ACER2: variants seen among roughly 807,000 people sequenced by gnomAD.
The protein encoded by ACER2 is alkCDase 2.
Under a neutral mutation model 34.7 loss-of-function variants are expected in ACER2, and 26 were observed. The ratio of observed to expected loss-of-function variants is 0.75; its 90% CI spans 0.55 to 1.04. The LOEUF is 1.04. Among genes scored for constraint, ACER2 ranks in the 50% least tolerant of loss-of-function variants. The pLI is 0.00. For synonymous variants in ACER2, 138 were observed against 132.1 expected, an observed-to-expected ratio of 1.04 and a Z score of -0.31; for missense variants, 352 against 340.8, an observed-to-expected ratio of 1.03 and a Z score of -0.26.
chr9:19,422,687 T>G (rs1380910937), intron 1 of ACER2, among the ~76,000 whole-genome samples: 5 of 146,294 alleles, frequency 3.4e-5, no homozygotes, highest in African/African-American at 1.3e-4. Flanking sequence ...ACGCCTTCAT[T>G]AAACTTTTTT....
rs557934540 is a variant in ACER2, at chr9:19,448,004, C to CTTTTTTTT, written c.641+1599_641+1606dup. On this transcript the variant is annotated intron_variant, in intron 5 of 5. Transcript: ENST00000340967. ...AGCATCATTCTATACACGATGCAAACTTTTTTTTTTTTTTTTTTTTGAGAC... is the reference window on the plus strand; with the variant it reads ...AGCATCATTCTATACACGATGCAAACTTTTTTTTTTTTTTTTTTTTTTTTTTTTGAGAC... 3.1e-4 allele frequency among the ~76,000 whole-genome samples: 34 copies of CTTTTTTTT among 109,904 alleles called. 1 individual carries two copies. Among genetic ancestry groups the CTTTTTTTT allele is most frequent in the Non-Finnish European group, 3.7e-4 (21 of 56,536 alleles). The allele number at this position is 109,904 out of a possible 152,430, so 72.1% of individuals were successfully genotyped here.
intron 5 of ACER2, 54 bp from the exon 6 acceptor site, chr9:19,450,395 AG>A: frequency 6.8e-7 from 1 of 1,480,758 alleles, no homozygotes; most frequent in East Asian, 2.3e-5. Context: ...GGCTAAACTC[AG>A]GGCAGCGGAG....
chr9:19,434,596 C>T (rs1448471710), intron 3 of ACER2, among the ~76,000 whole-genome samples: 2 of 152,260 alleles, frequency 1.3e-5, no homozygotes, highest in East Asian at 3.8e-4. Flanking sequence ...CACAGCGAAA[C>T]CCCGTCTCCA....
At chr9:19,450,187 G>A (rs181964052) in intron 5 of ACER2, 1 of 985,260 alleles carries the variant, frequency 1.0e-6, no homozygotes, top group Non-Finnish European at 1.2e-6. Flanking sequence ...AGGCCCAAAG[G>A]CATTTATTTG....
chr9:19,412,712 T>A (rs1358606137), intron 1 of ACER2, among the ~76,000 whole-genome samples: 2 of 151,942 alleles, frequency 1.3e-5, no homozygotes, highest in South Asian at 2.1e-4. Flanking sequence ...ACTTGAAGTT[T>A]TTTTCCAAGA....
At chr9:19,409,739 G>C (rs1368001933) in intron 1 of ACER2, 1 of 985,088 alleles carries the variant, frequency 1.0e-6, no homozygotes, top group African/African-American at 1.7e-5. Context: ...TCAGAATCAA[G>C]TTAATTACTA....
At chr9:19,448,760 G>T (rs190984122) in intron 5 of ACER2, among the ~76,000 whole-genome samples, 594 of 152,208 alleles carry the variant, frequency 3.9e-3, no homozygotes, top group Non-Finnish European at 7.0e-3. Context: ...TAGTATTTTT[G>T]TTGGGCATCT....
chr9:19,446,433 A>T lies in ACER2; in HGVS notation c.641+15A>T, dbSNP rs1831366522. ...CACTGCATGTGGTAAGCCCCTGCTAATGGGGAGGTGGCCGGGGACAGGTGT... is the reference window on the plus strand; with the variant it reads ...CACTGCATGTGGTAAGCCCCTGCTATTGGGGAGGTGGCCGGGGACAGGTGT... On this transcript the variant is annotated intron_variant, in intron 5 of 5. Transcript: ENST00000340967. The T allele has an allele frequency of 3.1e-6, 5 of 1,613,984 alleles. No individual in the cohort carries two copies. The East Asian group carries it at 1.1e-4, about 36-fold the overall frequency.
At chr9:19,447,238 G>C (rs1180781205) in intron 5 of ACER2, among the ~76,000 whole-genome samples, 1 of 152,188 alleles carries the variant, frequency 6.6e-6, no homozygotes, top group African/African-American at 2.4e-5. Flanking sequence ...ACCCAGAGAG[G>C]AATTCTAGTG....
intron 1 of ACER2, among the ~76,000 whole-genome samples, chr9:19,411,262 T>C (rs565377068): frequency 1.5e-4 from 23 of 152,218 alleles, no homozygotes; most frequent in South Asian, 6.2e-4. Flanking sequence ...GGAATACTCA[T>C]AAACCACAAA....
At chr9:19,443,749 T>G (rs1259056404) in intron 4 of ACER2, among the ~76,000 whole-genome samples, 1 of 151,914 alleles carries the variant, frequency 6.6e-6, no homozygotes, top group African/African-American at 2.4e-5. Context: ...CTCCACAATC[T>G]GGGTTCAAGT....
chr9:19,432,908 C>A (rs979116312), intron 3 of ACER2, among the ~76,000 whole-genome samples: 87 of 151,298 alleles, frequency 5.8e-4, no homozygotes, highest in African/African-American at 2.0e-3. Context: ...CCCAAAAACC[C>A]TTCATAGAAA....
At chr9:19,444,217 G>GT (rs774098696) in intron 4 of ACER2, among the ~76,000 whole-genome samples, 4,794 of 141,190 alleles carry the variant, frequency 0.034, 277 homozygotes, top group African/African-American at 0.11. Flanking sequence ...TCTCATAATG[G>GT]TTTTTTTTTT....
chr9:19,446,268 G>C lies in ACER2; in HGVS notation c.504-13G>C. Reference sequence around the variant, plus strand: ...AGGTCTGACGATGAGTGACTCTCTGGACCCCCGTGCAGGTGTGACAACATG... The same window carrying C: ...AGGTCTGACGATGAGTGACTCTCTGCACCCCCGTGCAGGTGTGACAACATG... On this transcript the variant is annotated splice_polypyrimidine_tract_variant and intron_variant, in intron 4 of 5. Transcript: ENST00000340967. 3 of 1,614,104 alleles carry C rather than the reference G, an allele frequency of 1.9e-6. No individual in the cohort carries two copies. Among genetic ancestry groups the C allele is most frequent in the Non-Finnish European group, 2.5e-6 (3 of 1,180,038 alleles).
At chr9:19,429,224 T>C (rs1266079576) in intron 3 of ACER2, among the ~76,000 whole-genome samples, 2 of 152,238 alleles carry the variant, frequency 1.3e-5, no homozygotes, top group African/African-American at 2.4e-5. Context: ...GTCCTGAGAC[T>C]CTTTAGGACA....
At chr9:19,449,884 T>G (rs987387715) in intron 5 of ACER2, among the ~76,000 whole-genome samples, 3 of 122,540 alleles carry the variant, frequency 2.4e-5, no homozygotes, top group African/African-American at 3.8e-5. Context: ...AGGGTGAGAC[T>G]TCATTTAAAA....
rs1345535409 is a variant in ACER2 at position 19,433,315 on chromosome 9, TTGGGTCCC to T, written c.366-1626_366-1619del. Among the ~76,000 whole-genome samples, 4 of 152,120 alleles carry T rather than the reference TTGGGTCCC, an allele frequency of 2.6e-5. No individual in the cohort carries two copies. The South Asian group carries it at 8.3e-4, about 32-fold the overall frequency. The stretch of plus-strand genomic sequence containing the variant: ...AGGACCCTGCGGCCTTCCGCAGCGT[TTGGGTCCC>T]TGGGTACTTGAGATTAGGGAGTGGT... On this transcript the variant is annotated intron_variant, in intron 3 of 5. Transcript: ENST00000340967.
intron 4 of ACER2, among the ~76,000 whole-genome samples, chr9:19,443,538 T>C (rs2132525328): frequency 6.6e-6 from 1 of 152,368 alleles, no homozygotes; most frequent in East Asian, 1.9e-4. Context: ...CATTTATGCA[T>C]AATTTTATCC....
Position 19,411,376 on chromosome 9 carries a change from C to T in ACER2, c.108+2184C>T, listed in dbSNP as rs1830080879. Among the ~76,000 whole-genome samples, 7 of 152,144 alleles carry T rather than the reference C, an allele frequency of 4.6e-5. No homozygotes were observed. In the South Asian group the frequency reaches 1.5e-3, roughly 32 times the overall value. On this transcript the variant is annotated intron_variant, in intron 1 of 5. Transcript: ENST00000340967. ...GAATTTAGCAAAAAACGTTTCTTCC[C>T]CTCTGTTGCTATTTAAAAAAATTTT... is the stretch of plus-strand genomic sequence containing the variant.
Sources: gnomAD v4.1 joint callset for allele counts (sites outside exome capture counted in the v4.1 genomes callset) on GRCh38, gnomAD v4.1.1 for gene constraint, MANE v1.5 for transcripts, NCBI Gene and HGNC (gene_info 2026-07-23, HGNC 2026-07-21) for gene names.